Variants in ANKRD30B observed in about 807,000 individuals in gnomAD.
ANKRD30B encodes the protein ankyrin repeat domain-containing protein 30B.
In ANKRD30B, 144 loss-of-function variants were observed where a neutral mutation model predicts 202.2. That is an observed-to-expected ratio of 0.71 (90% CI 0.62 to 0.82). The LOEUF (loss-of-function observed/expected upper bound fraction) is 0.82. Ranked by LOEUF, ANKRD30B falls within the 40% of genes least tolerant of loss-of-function variation. The pLI is 0.00. For missense variants in ANKRD30B, 1,487 were observed against 1,669.1 expected, an observed-to-expected ratio of 0.89 and a Z score of 1.90; for synonymous variants, 508 against 561.3, an observed-to-expected ratio of 0.91 and a Z score of 1.34.
chr18:14,786,630 T>C (rs190060045), intron 14 of ANKRD30B, among the ~76,000 whole-genome samples: 24 of 152,276 alleles, frequency 1.6e-4, no homozygotes, highest in Middle Eastern at 3.4e-3. Flanking sequence ...TGAAGAGCTG[T>C]GTAATAGAGA....
At chr18:14,767,326 A>G (rs1916397157) in intron 7 of ANKRD30B, among the ~76,000 whole-genome samples, 1 of 152,144 alleles carries the variant, frequency 6.6e-6, no homozygotes, top group African/African-American at 2.4e-5. Flanking sequence ...ATAGTATGAA[A>G]CCCTATATAT....
At chr18:14,939,609 C>G in the ANKRD30B span, among the ~76,000 whole-genome samples, 1 of 152,184 alleles carries the variant, frequency 6.6e-6, no homozygotes, top group Non-Finnish European at 1.5e-5. Flanking sequence ...TGTGTGTGCC[C>G]TGGATCAATG....
chr18:14,810,035 A>G (rs768265018), intron 27 of ANKRD30B, 21 bp downstream of exon 27: 16 of 1,451,058 alleles, frequency 1.1e-5, no homozygotes, highest in South Asian at 6.9e-5. Context: ...TTATATTTTT[A>G]TCTTGAATAT....
intron 16 of ANKRD30B, among the ~76,000 whole-genome samples, chr18:14,792,678 T>A (rs571348722): frequency 4.7e-4 from 72 of 151,914 alleles, no homozygotes; most frequent in Admixed American, 1.2e-3. Context: ...TTACTAGAAT[T>A]GGACTAAACC....
intron 1 of ANKRD30B, among the ~76,000 whole-genome samples, chr18:14,750,171 T>C (rs1913202835): frequency 2.6e-5 from 4 of 152,284 alleles, no homozygotes; most frequent in Admixed American, 2.0e-4. Context: ...TTACTACTCA[T>C]GTATGTGTGT....
chr18:14,810,907 A>T (rs1207427073), intron 28 of ANKRD30B, among the ~76,000 whole-genome samples: 1 of 151,226 alleles, frequency 6.6e-6, no homozygotes. Context: ...TAAGGTCAGG[A>T]GTCGCAGACG....
At chr18:14,880,452 T>C in the ANKRD30B span, among the ~76,000 whole-genome samples, 1 of 152,280 alleles carries the variant, frequency 6.6e-6, no homozygotes, top group Non-Finnish European at 1.5e-5. Flanking sequence ...TGCATTGAAT[T>C]TGTAGATTGC....
the ANKRD30B span, among the ~76,000 whole-genome samples, chr18:14,872,547 C>T: frequency 1.3e-5 from 2 of 152,082 alleles, no homozygotes; most frequent in East Asian, 3.9e-4. Flanking sequence ...ATCAATGCAG[C>T]GTGGTCCTTT....
chr18:14,847,884 T>G (rs1417793444), intron 39 of ANKRD30B, among the ~76,000 whole-genome samples: 6 of 152,018 alleles, frequency 3.9e-5, no homozygotes, highest in Non-Finnish European at 8.8e-5. Flanking sequence ...TGGTCTTAGG[T>G]AGTTTTCTGG....
rs142102476 is a variant in ANKRD30B at position 14,755,673 on chromosome 18, G to A, written c.617+668G>A. On this transcript the variant is annotated intron_variant, in intron 4 of 43. Coordinates refer to ENST00000690538, the MANE Select transcript of ANKRD30B (RefSeq NM_001367607.2). Reference sequence around the variant, plus strand: ...GTGGTGTTTGGTTTTTTGTCCTTGCGATAGTTTGCTGAGAATGATAGTTTC... The same window carrying A: ...GTGGTGTTTGGTTTTTTGTCCTTGCAATAGTTTGCTGAGAATGATAGTTTC... 4.9e-3 allele frequency among the ~76,000 whole-genome samples: 745 copies of A among 152,112 alleles called. 9 individuals are homozygous for A. The highest frequency in any genetic ancestry group is 0.016 in the African/African-American group (670 of 41,468).
rs539784802 is a variant in ANKRD30B at position 14,831,045 on chromosome 18, A to T, written c.2775-338A>T. Among the ~76,000 whole-genome samples, 287 of 151,524 alleles carry T rather than the reference A, an allele frequency of 1.9e-3. 3 individuals are homozygous for T. Among genetic ancestry groups the T allele is most frequent in the Non-Finnish European group, 3.1e-3 (208 of 67,642 alleles). On this transcript the variant is annotated intron_variant, in intron 33 of 43. Coordinates refer to ENST00000690538, the MANE Select transcript of ANKRD30B (RefSeq NM_001367607.2). ...AAAATACAAAAAATTAGCCGGGCGC[A>T]GTGGCGGGCTCCAGCCCCAGCTACT... is the stretch of plus-strand genomic sequence containing the variant.
Position 14,828,280 on chromosome 18 carries a change from G to T in ANKRD30B, c.2746G>T (p.Asp916Tyr). 1 of 1,532,306 alleles carries T rather than the reference G, an allele frequency of 6.5e-7. No individual in the cohort carries two copies. The highest frequency in any genetic ancestry group is 8.8e-7 in the Non-Finnish European group (1 of 1,139,176). 94.9% of individuals were successfully genotyped at this position (1,532,306 alleles called of 1,614,324 possible). Residue 916 changes from aspartate (D) to tyrosine (Y), a missense_variant and splice_region_variant, in exon 33 of 44, where the codon GAT becomes TAT. Physicochemically the swap from Asp to Tyr is radical, Grantham distance 160. Transcript: ENST00000690538. ...TATTTTACTCTTTTCTTTAATAGAG[G>T]ATGTGAGTTCTGTAGAGTCCACATT... The part of the protein sequence containing the change: ...LKDRETFKAE[D>Y]VSSVESTFSL...
chr18:14,800,329 A>G (rs1969228942), intron 22 of ANKRD30B, among the ~76,000 whole-genome samples: 1 of 149,894 alleles, frequency 6.7e-6, no homozygotes, highest in Non-Finnish European at 1.5e-5. Flanking sequence ...AAATTTTGAT[A>G]TGGCGTCTCG....
intron 30 of ANKRD30B, among the ~76,000 whole-genome samples, chr18:14,818,315 T>G (rs1970223510): frequency 6.6e-6 from 1 of 152,164 alleles, no homozygotes; most frequent in African/African-American, 2.4e-5. Flanking sequence ...ATAAAAATTC[T>G]CTGGAAATTG....
chr18:14,798,977 C>T (rs1969122823), intron 20 of ANKRD30B, 124 bp from the exon 21 acceptor site: 1 of 1,055,972 alleles, frequency 9.5e-7, no homozygotes, highest in Non-Finnish European at 1.5e-6. Context: ...ACCCCAAAAC[C>T]TAGTGTAATC....
intron 15 of ANKRD30B, 122 bp from the exon 16 acceptor site, chr18:14,791,277 TAA>T (rs1346633584): frequency 2.7e-6 from 2 of 752,402 alleles, no homozygotes; most frequent in Non-Finnish European, 4.4e-6. Context: ...TGTGTACTCT[TAA>T]GTCGAATTGT....
chr18:14,780,182 T>A (rs1467276873), intron 11 of ANKRD30B, among the ~76,000 whole-genome samples, 161 bp downstream of exon 11: 1 of 146,802 alleles, frequency 6.8e-6, no homozygotes, highest in African/African-American at 2.5e-5. Flanking sequence ...CTGTAACTCA[T>A]GCCTGTAATG....
At chr18:14,807,328 GC>G (rs1433932885) in intron 24 of ANKRD30B, among the ~76,000 whole-genome samples, 1 of 150,808 alleles carries the variant, frequency 6.6e-6, no homozygotes, top group Non-Finnish European at 1.5e-5. Flanking sequence ...TTCTATAAAA[GC>G]TTTTTCATAA....
rs73960688 is a variant in ANKRD30B, at chr18:14,763,619, G to T, written c.821-67G>T. ...AAGCATACAGAATAAGTAGAAGTTT[G>T]CCAGGTGAAGTCAGGAGGATGATAT... On this transcript the variant is annotated intron_variant, in intron 6 of 43. Transcript: ENST00000690538. 7.3e-5 allele frequency: 115 copies of T among 1,573,560 alleles called. No homozygotes were observed. The African/African-American group carries it at 1.3e-3, about 17-fold the overall frequency.
Sources: gnomAD v4.1 joint callset for allele counts (sites outside exome capture counted in the v4.1 genomes callset) on GRCh38, gnomAD v4.1.1 for gene constraint, MANE v1.5 for transcripts, NCBI Gene and HGNC (gene_info 2026-07-23, HGNC 2026-07-21) for gene names.